Variants in FGF12 observed in about 807,000 individuals in gnomAD.
FGF12 encodes fibroblast growth factor 12B.
Under a neutral mutation model 23.6 loss-of-function variants are expected in FGF12, and 14 were observed. The observed-to-expected ratio is 0.59, with a 90% CI of 0.39 to 0.93. The LOEUF (loss-of-function observed/expected upper bound fraction) is 0.93, where lower values mean the gene tolerates loss of function less well. Among genes scored for constraint, FGF12 ranks in the 40% least tolerant of loss-of-function variants. The pLI is 0.00. For synonymous variants in FGF12, 62 were observed against 77.3 expected, an observed-to-expected ratio of 0.80 and a Z score of 1.04; for missense variants, 175 against 217.8, an observed-to-expected ratio of 0.80 and a Z score of 1.24.
intron 2 of FGF12, among the ~76,000 whole-genome samples, chr3:192,459,934 T>C (rs1205931992): frequency 1.3e-5 from 2 of 152,138 alleles, no homozygotes; most frequent in East Asian, 1.9e-4. Flanking sequence ...AAAACCCTCA[T>C]TGAGTACCTT....
At chr3:192,671,790 C>CACACACACACAAAT (rs1717131976) in intron 2 of FGF12, among the ~76,000 whole-genome samples, 1 of 151,896 alleles carries the variant, frequency 6.6e-6, no homozygotes, top group African/African-American at 2.4e-5. Context: ...CACACACACA[C>CACACACACACAAAT]ACACACACAC....
chr3:192,497,200 G>C (rs1181125237), intron 2 of FGF12, among the ~76,000 whole-genome samples: 1 of 152,172 alleles, frequency 6.6e-6, no homozygotes, highest in Admixed American at 6.5e-5. Context: ...ATCAGTAAAA[G>C]GTGTCACTCT....
Position 192,454,723 on chromosome 3 carries a change from T to C in FGF12, c.14-94185A>G, listed in dbSNP as rs142354618. 1.6e-3 allele frequency among the ~76,000 whole-genome samples: 247 copies of C among 152,186 alleles called. 1 individual carries two copies. The highest frequency in any genetic ancestry group is 5.5e-3 in the African/African-American group (228 of 41,536). ...AAAATGACAAAGGACACAAAACCAT[T>C]AGCGATAATTTCACCAAAAATTTAA... is the stretch of plus-strand genomic sequence containing the variant. On this transcript the variant is annotated intron_variant, in intron 2 of 5. Coordinates refer to ENST00000445105, the MANE Select transcript of FGF12 (RefSeq NM_004113.6).
chr3:192,169,487 T>C (rs1023357739), intron 5 of FGF12, among the ~76,000 whole-genome samples: 11 of 152,152 alleles, frequency 7.2e-5, no homozygotes, highest in African/African-American at 2.7e-4. Context: ...CATTGGAAGA[T>C]AGTATTGACT....
intron 2 of FGF12, among the ~76,000 whole-genome samples, chr3:192,609,005 G>A (rs75190092): frequency 0.04 from 6,014 of 152,148 alleles, 394 homozygotes; most frequent in African/African-American, 0.14. Context: ...CAGCTTAAGG[G>A]ACAGAATCTG....
At chr3:192,594,014 C>G (rs187160025) in intron 2 of FGF12, among the ~76,000 whole-genome samples, 1 of 151,854 alleles carries the variant, frequency 6.6e-6, no homozygotes, top group Admixed American at 6.6e-5. Context: ...AGCAGCTTGT[C>G]GGTTAGAGTA....
At chr3:192,378,113 CTCTCTTTG>C (rs1719648916) in intron 2 of FGF12, among the ~76,000 whole-genome samples, 1 of 93,084 alleles carries the variant, frequency 1.1e-5, no homozygotes, top group African/African-American at 4.7e-5. Flanking sequence ...TTCCTTCTTT[CTCTCTTTG>C]TTTTTTTTTC....
chr3:192,252,754 A>G (rs1712122275), intron 4 of FGF12, among the ~76,000 whole-genome samples: 1 of 152,052 alleles, frequency 6.6e-6, no homozygotes, highest in Non-Finnish European at 1.5e-5. Flanking sequence ...ATAGTCAGGA[A>G]AAATACTCTG....
chr3:192,395,503 G>C (rs1343420272), intron 2 of FGF12, among the ~76,000 whole-genome samples: 2 of 152,130 alleles, frequency 1.3e-5, no homozygotes, highest in Non-Finnish European at 2.9e-5. Flanking sequence ...TTCCCTCAGA[G>C]CCTGACTATA....
chr3:192,360,229 T>C lies in FGF12; in HGVS notation c.124+199A>G, dbSNP rs982457863. On this transcript the variant is annotated intron_variant, in intron 3 of 5. Transcript: ENST00000445105. The surrounding 1 kb of genome is among the most constrained non-coding windows in gnomAD (Gnocchi z 4.3). ...GACAAGCCTCTTACCTTCTCTTAAG[T>C]GCATAACCTCTCTCCTATACTGTCT... is the stretch of plus-strand genomic sequence containing the variant. Among the ~76,000 whole-genome samples the C allele has an allele frequency of 1.3e-5, 2 of 152,178 alleles. No homozygotes were observed. The highest frequency in any genetic ancestry group is 4.8e-5 in the African/African-American group (2 of 41,436).
intron 2 of FGF12, among the ~76,000 whole-genome samples, chr3:192,392,546 A>G (rs1055472987): frequency 6.7e-6 from 1 of 149,192 alleles, no homozygotes; most frequent in African/African-American, 2.5e-5. Flanking sequence ...CAGTGAACCA[A>G]GATTGCGCCA....
At chr3:192,267,971 T>G (rs1377495631) in intron 4 of FGF12, among the ~76,000 whole-genome samples, 1 of 152,190 alleles carries the variant, frequency 6.6e-6, no homozygotes, top group Non-Finnish European at 1.5e-5. Context: ...GACCTCCCAC[T>G]TTGTAAGAAT....
intron 4 of FGF12, chr3:192,238,462 G>C (rs1560028932): frequency 1.3e-5 from 2 of 152,274 alleles, no homozygotes; most frequent in Non-Finnish European, 2.9e-5. Flanking sequence ...GTGCCAGCAG[G>C]GGGAGACAAT....
intron 2 of FGF12, among the ~76,000 whole-genome samples, chr3:192,516,324 A>G (rs780006950): frequency 6.6e-6 from 1 of 152,192 alleles, no homozygotes; most frequent in Non-Finnish European, 1.5e-5. Context: ...AATTCATTGC[A>G]CGAAAACTGT....
chr3:192,392,230 T>C (rs1023014955), intron 2 of FGF12, among the ~76,000 whole-genome samples: 1 of 152,042 alleles, frequency 6.6e-6, no homozygotes, highest in South Asian at 2.1e-4. Flanking sequence ...ATAATCAGAG[T>C]TGACAACATA....
intron 2 of FGF12, among the ~76,000 whole-genome samples, chr3:192,568,424 C>A (rs991831775): frequency 1.3e-5 from 2 of 152,124 alleles, no homozygotes; most frequent in African/African-American, 4.8e-5. Context: ...AATATCTGAT[C>A]TCTGCTCCAA....
At chr3:192,364,794 T>C (rs939539424) in intron 2 of FGF12, among the ~76,000 whole-genome samples, 1 of 150,950 alleles carries the variant, frequency 6.6e-6, no homozygotes, top group African/African-American at 2.4e-5. Context: ...TTCCATTGGC[T>C]GTGCATAATG....
intron 4 of FGF12, among the ~76,000 whole-genome samples, chr3:192,306,529 G>T (rs569835461): frequency 6.6e-6 from 1 of 152,252 alleles, no homozygotes; most frequent in Non-Finnish European, 1.5e-5. Context: ...GAGGCAGGAG[G>T]ATTGCTTGAG....
chr3:192,389,278 C>T (rs547625367), intron 2 of FGF12, among the ~76,000 whole-genome samples: 38 of 152,208 alleles, frequency 2.5e-4, no homozygotes, highest in African/African-American at 7.9e-4. Flanking sequence ...GAGAATCACA[C>T]GAACCTAGGA....
Sources: gnomAD v4.1 joint callset for allele counts (sites outside exome capture counted in the v4.1 genomes callset) on GRCh38, gnomAD v4.1.1 for gene constraint, Gnocchi (gnomAD v3.1) non-coding constraint, MANE v1.5 for transcripts, NCBI Gene and HGNC (gene_info 2026-07-23, HGNC 2026-07-21) for gene names.